The following VCL variants were observed in gnomAD, a reference collection of about 807,000 sequenced individuals.
VCL encodes the protein vinculin.
Under a neutral mutation model 125.7 loss-of-function variants are expected in VCL, and 47 were observed. The ratio of observed to expected loss-of-function variants is 0.37; its 90% CI spans 0.30 to 0.48. The LOEUF (loss-of-function observed/expected upper bound fraction) is 0.48, where lower values mean the gene tolerates loss of function less well. Ranked by LOEUF, VCL falls within the 20% of genes least tolerant of loss-of-function variation. The probability of loss-of-function intolerance (pLI) is 0.99; values close to 1 mark genes in which losing one functional copy is unlikely to be tolerated. For missense variants in VCL, 1,069 were observed against 1,455.5 expected (o/e 0.73, Z 4.32); for synonymous variants, 458 against 514.6 (o/e 0.89, Z 1.49).
chr10:74,057,594 A>C (rs1192255191), intron 2 of VCL, among the ~76,000 whole-genome samples: 2 of 152,138 alleles, frequency 1.3e-5, no homozygotes, highest in African/African-American at 4.8e-5. Context: ...ATTATCTTCA[A>C]ATAAGGCCAT....
Position 74,090,188 on chromosome 10 carries a change from C to G in VCL, c.1342C>G (p.Leu448Val). The G allele has an allele frequency of 6.2e-7, 1 of 1,614,148 alleles. No individual in the cohort carries two copies. Among genetic ancestry groups the G allele is most frequent in the Non-Finnish European group, 8.5e-7 (1 of 1,180,008 alleles). The stretch of plus-strand genomic sequence containing the variant: ...TGCTCTGACTTCTAAATTAGCAGAT[C>G]TACGAAGACAGTATGTATTTAACCC... ...ISALTSKLADLRRQGKGDSPE... is the reference protein window; with the variant it reads ...ISALTSKLADVRRQGKGDSPE... Residue 448 changes from leucine (L) to valine (V), a missense_variant, in exon 10 of 22, where the codon CTA becomes GTA. This residue lies in a region of VCL where 760 missense variants were observed against 928.9 expected (regional missense o/e 0.82). Transcript: ENST00000211998.
chr10:74,060,489 C>T (rs569862712), intron 2 of VCL, among the ~76,000 whole-genome samples: 10 of 150,942 alleles, frequency 6.6e-5, no homozygotes, highest in African/African-American at 2.2e-4. Context: ...CTCATCTCTA[C>T]GCAAAATACA....
At chr10:74,072,084 C>T (rs1343313637) in intron 4 of VCL, among the ~76,000 whole-genome samples, 1 of 152,094 alleles carries the variant, frequency 6.6e-6, no homozygotes, top group Non-Finnish European at 1.5e-5. Flanking sequence ...ATTTGAAAAT[C>T]AAAGCTTTAG....
At chr10:74,101,541 A>AGTT (rs1554818650) in intron 14 of VCL, among the ~76,000 whole-genome samples, 13 of 112,352 alleles carry the variant, frequency 1.2e-4, no homozygotes, top group African/African-American at 5.2e-4. Context: ...ACTATTTATT[A>AGTT]GTTTTTTTTT....
chr10:74,046,434 A>C (rs990483368), intron 2 of VCL, among the ~76,000 whole-genome samples: 1 of 152,104 alleles, frequency 6.6e-6, no homozygotes, highest in African/African-American at 2.4e-5. Context: ...TTGTAGAGGT[A>C]AGGTCTCCCT....
At chr10:74,088,043 C>T (rs1356503140) in intron 8 of VCL, among the ~76,000 whole-genome samples, 1 of 152,134 alleles carries the variant, frequency 6.6e-6, no homozygotes, top group Non-Finnish European at 1.5e-5. Flanking sequence ...AGATGAATGA[C>T]AGATCAATAC....
intron 2 of VCL, among the ~76,000 whole-genome samples, chr10:74,051,475 TA>T (rs1841298548): frequency 6.6e-6 from 1 of 152,216 alleles, no homozygotes; most frequent in Middle Eastern, 3.2e-3. Flanking sequence ...CTCAATTTCT[TA>T]AATACCTTGT....
chr10:74,089,522 G>T (rs1271799764), intron 9 of VCL, among the ~76,000 whole-genome samples, 173 bp downstream of exon 9: 2 of 152,112 alleles, frequency 1.3e-5, no homozygotes, highest in Non-Finnish European at 2.9e-5. Flanking sequence ...ACCACCACAG[G>T]TTTAGACAAA....
Position 74,095,742 on chromosome 10 carries a change from A to G in VCL, c.1630A>G (p.Lys544Glu). 1 of 1,614,206 alleles carries G rather than the reference A, an allele frequency of 6.2e-7. No individual in the cohort carries two copies. The highest frequency in any genetic ancestry group is 8.5e-7 in the Non-Finnish European group (1 of 1,180,040). The change falls in exon 12 of 22, where the codon AAG (lysine) becomes GAG (glutamate). Residue 544 changes from lysine (K) to glutamate (E), a missense_variant. Transcript: ENST00000211998. ...MGPYRQDLLA[K>E]CDRVDQLTAQ... ...GCCTTATCGGCAAGATCTTCTCGCCAAGTGTGACCGAGTGGACCAGCTGAC... is the reference window on the plus strand; with the variant it reads ...GCCTTATCGGCAAGATCTTCTCGCCGAGTGTGACCGAGTGGACCAGCTGAC...
At chr10:74,034,585 A>G (rs1487942363) in intron 1 of VCL, among the ~76,000 whole-genome samples, 3 of 152,244 alleles carry the variant, frequency 2.0e-5, no homozygotes. Context: ...ACGAACAACA[A>G]GGACTGAGTC....
chr10:74,011,737 T>C (rs143404068), intron 1 of VCL, among the ~76,000 whole-genome samples: 1 of 152,204 alleles, frequency 6.6e-6, no homozygotes, highest in Non-Finnish European at 1.5e-5. Flanking sequence ...ATAAACGATA[T>C]TATATTGTGT....
At chr10:74,077,581 T>C (rs1258471615) in intron 6 of VCL, 6 of 261,304 alleles carry the variant, frequency 2.3e-5, no homozygotes, top group Non-Finnish European at 3.9e-5. Flanking sequence ...TTTGTCTGAC[T>C]GTGACTGCTG....
At chr10:74,022,911 G>T (rs567744542) in intron 1 of VCL, among the ~76,000 whole-genome samples, 39 of 152,250 alleles carry the variant, frequency 2.6e-4, no homozygotes, top group South Asian at 6.2e-4. Flanking sequence ...AAAGTGCTGG[G>T]ATTACAGATG....
At chr10:74,069,765 AG>A (rs201049841) in intron 2 of VCL, among the ~76,000 whole-genome samples, 1,756 of 152,304 alleles carry the variant, frequency 0.012, 36 homozygotes, top group African/African-American at 0.04. Context: ...TGTGGGGATG[AG>A]TAATTGAATG....
At chr10:74,039,965 C>T (rs999506495) in intron 1 of VCL, among the ~76,000 whole-genome samples, 1 of 152,190 alleles carries the variant, frequency 6.6e-6, no homozygotes, top group Non-Finnish European at 1.5e-5. Context: ...TTCAGCCACT[C>T]TGGCCTCTTT....
At chr10:74,087,909 G>T (rs1272400003) in intron 8 of VCL, among the ~76,000 whole-genome samples, 1 of 152,106 alleles carries the variant, frequency 6.6e-6, no homozygotes, top group Non-Finnish European at 1.5e-5. Context: ...TACTTGAGAG[G>T]CTGAGGTAGG....
intron 1 of VCL, among the ~76,000 whole-genome samples, chr10:74,022,503 G>A (rs1256238656): frequency 2.0e-5 from 3 of 151,454 alleles, no homozygotes; most frequent in Admixed American, 6.6e-5. Flanking sequence ...CCAAGATTGC[G>A]CCATTGAACT....
chr10:74,112,104 T>G lies in VCL; in HGVS notation c.2941T>G (p.Ser981Ala). The G allele has an allele frequency of 6.2e-7, 1 of 1,614,176 alleles. No individual in the cohort carries two copies. Among genetic ancestry groups the G allele is most frequent in the Non-Finnish European group, 8.5e-7 (1 of 1,180,028 alleles). The change falls in exon 19 of 22, where the codon TCT becomes GCT. Residue 981 changes from serine to alanine, a missense_variant. By Grantham distance (99) the Ser-to-Ala change is moderately conservative (BLOSUM62 1). This residue lies in a region of VCL where 91 missense variants were observed against 203.9 expected (regional missense o/e 0.45). Coordinates refer to ENST00000211998, the MANE Select transcript of VCL (RefSeq NM_014000.3). ...CTTGCATCGGGAAGCTACCAAGTGGTCTAGTAAGGTACTGATAAGCACCCC... is the reference window on the plus strand; with the variant it reads ...CTTGCATCGGGAAGCTACCAAGTGGGCTAGTAAGGTACTGATAAGCACCCC... The part of the protein sequence containing the change: ...QSLHREATKW[S>A]SKGNDIIAAA...
intron 1 of VCL, chr10:74,005,421 A>AT (rs555573803): frequency 1.5e-4 from 23 of 151,678 alleles, no homozygotes; most frequent in African/African-American, 3.4e-4. Flanking sequence ...CGCCTGGCTA[A>AT]TTTTTTGTAT....
Sources: allele counts gnomAD v4.1 joint callset (sites outside exome capture counted in the v4.1 genomes callset), GRCh38; gene constraint gnomAD v4.1.1; regional missense constraint gnomAD v4.1.1; transcripts MANE v1.5; gene names NCBI Gene and HGNC (gene_info 2026-07-23, HGNC 2026-07-21).